TTLL11: variants seen among roughly 807,000 people sequenced by gnomAD.
The protein encoded by TTLL11 is tubulin polyglutamylase TTLL11.
In TTLL11, 42 loss-of-function variants were observed where a neutral mutation model predicts 51.7. That is an observed-to-expected ratio of 0.81 (90% CI 0.64 to 1.05). The LOEUF (loss-of-function observed/expected upper bound fraction) is 1.05. Ranked by LOEUF, TTLL11 falls within the 50% of genes least tolerant of loss-of-function variation. TTLL11 has a pLI of 0.00. For missense variants in TTLL11, 799 were observed against 940.4 expected, an observed-to-expected ratio of 0.85 and a Z score of 1.97; for synonymous variants, 381 against 383.5, an observed-to-expected ratio of 0.99 and a Z score of 0.08.
intron 6 of TTLL11, among the ~76,000 whole-genome samples, chr9:121,873,464 C>G (rs1838433428): frequency 6.6e-6 from 1 of 150,976 alleles, no homozygotes; most frequent in African/African-American, 2.4e-5. Context: ...CATGCGCCAC[C>G]ACACCCAGCT....
At chr9:122,069,676 G>A (rs1008512025) in intron 1 of TTLL11, among the ~76,000 whole-genome samples, 2 of 151,954 alleles carry the variant, frequency 1.3e-5, no homozygotes, top group African/African-American at 2.4e-5. Flanking sequence ...GTGAGACTCC[G>A]TCTCAAAAAA....
chr9:122,052,652 T>A (rs565670382), intron 1 of TTLL11, among the ~76,000 whole-genome samples: 1 of 152,196 alleles, frequency 6.6e-6, no homozygotes, highest in Non-Finnish European at 1.5e-5. Context: ...ATCTTTCTGT[T>A]ACCCAAAAGA....
intron 3 of TTLL11, among the ~76,000 whole-genome samples, chr9:122,021,655 G>C (rs72767708): frequency 0.044 from 6,703 of 152,204 alleles, 175 homozygotes; most frequent in African/African-American, 0.074. Context: ...AACAAATCTT[G>C]AAAATCTTGA....
At chr9:121,888,439 T>C (rs1035154517) in intron 6 of TTLL11, among the ~76,000 whole-genome samples, 2 of 152,214 alleles carry the variant, frequency 1.3e-5, no homozygotes, top group Non-Finnish European at 2.9e-5. Flanking sequence ...TCTGCACTCC[T>C]AGTGCAGTTT....
chr9:121,853,734 C>A lies in TTLL11; in HGVS notation c.1840+6603G>T, dbSNP rs1360950078. ...ATTTCCTCTGTCTTCCCCAGCCTCACTGTCCCCACTGTCGCCAGGGTGGGA... is the reference window on the plus strand; with the variant it reads ...ATTTCCTCTGTCTTCCCCAGCCTCAATGTCCCCACTGTCGCCAGGGTGGGA... On this transcript the variant is annotated intron_variant, in intron 8 of 8. Coordinates refer to ENST00000321582, the MANE Select transcript of TTLL11 (RefSeq NM_001139442.2). The surrounding 1 kb of genome is among the most constrained non-coding windows in gnomAD (Gnocchi z 5.6). 6.6e-6 allele frequency among the ~76,000 whole-genome samples: 1 copy of A among 152,188 alleles called. No homozygotes were observed. Among genetic ancestry groups the A allele is most frequent in the Non-Finnish European group, 1.5e-5 (1 of 68,016 alleles).
intron 1 of TTLL11, among the ~76,000 whole-genome samples, chr9:122,079,937 G>C (rs186018108): frequency 6.6e-6 from 1 of 151,900 alleles, no homozygotes; most frequent in African/African-American, 2.4e-5. Context: ...CGACTAGCCC[G>C]GGCAACATAG....
At chr9:122,016,730 AC>A (rs1195283429) in intron 3 of TTLL11, among the ~76,000 whole-genome samples, 7 of 152,226 alleles carry the variant, frequency 4.6e-5, no homozygotes, top group Non-Finnish European at 1.5e-5. Flanking sequence ...CCTCCAAGAA[AC>A]TGCAAAACAT....
intron 2 of TTLL11, among the ~76,000 whole-genome samples, chr9:122,038,785 G>C (rs1355171283): frequency 6.6e-6 from 1 of 152,170 alleles, no homozygotes; most frequent in Non-Finnish European, 1.5e-5. Flanking sequence ...AAGTCTTGCT[G>C]AGATAATGTC....
At chr9:121,927,978 T>C (rs1009076830) in intron 6 of TTLL11, among the ~76,000 whole-genome samples, 2 of 152,204 alleles carry the variant, frequency 1.3e-5, no homozygotes, top group African/African-American at 4.8e-5. Context: ...GCATAGGAGC[T>C]TGTTAAGATG....
At chr9:121,885,805 G>A (rs1197192694) in intron 6 of TTLL11, among the ~76,000 whole-genome samples, 4 of 152,040 alleles carry the variant, frequency 2.6e-5, no homozygotes, top group Non-Finnish European at 5.9e-5. Flanking sequence ...TATGGCTCAC[G>A]GCAGCCCCAA....
chr9:121,897,642 G>GCA (rs796926651), intron 6 of TTLL11, among the ~76,000 whole-genome samples: 1,059 of 70,050 alleles, frequency 0.015, 15 homozygotes, highest in African/African-American at 0.054. Flanking sequence ...ACACACACAC[G>GCA]CGCGCGCGAA....
chr9:121,866,116 A>G (rs1350623402), intron 7 of TTLL11, among the ~76,000 whole-genome samples: 1 of 152,044 alleles, frequency 6.6e-6, no homozygotes, highest in Non-Finnish European at 1.5e-5. Context: ...TCGCCAGTGA[A>G]TATGTCTTTT....
intron 3 of TTLL11, among the ~76,000 whole-genome samples, chr9:122,000,471 CAAA>C (rs57775265): frequency 4.4e-5 from 1 of 22,814 alleles, no homozygotes; most frequent in Middle Eastern, 0.033. Flanking sequence ...GACTCCGTCG[CAAA>C]AAAAAAAAAA....
intron 6 of TTLL11, among the ~76,000 whole-genome samples, chr9:121,963,972 T>G (rs1842320141): frequency 1.3e-5 from 2 of 152,202 alleles, no homozygotes; most frequent in Non-Finnish European, 2.9e-5. Flanking sequence ...TGGCTTTTTA[T>G]AGCCTCCAAC....
intron 8 of TTLL11, among the ~76,000 whole-genome samples, chr9:121,856,158 A>G (rs1220995026): frequency 6.6e-6 from 1 of 152,186 alleles, no homozygotes; most frequent in Non-Finnish European, 1.5e-5. Flanking sequence ...TGCAGCCTTG[A>G]ACTCTTGAGT....
At chr9:121,833,101 A>T (rs1837074442) in intron 8 of TTLL11, among the ~76,000 whole-genome samples, 1 of 152,184 alleles carries the variant, frequency 6.6e-6, no homozygotes, top group Non-Finnish European at 1.5e-5. Flanking sequence ...AAGAAGGTGC[A>T]GTTAGATTCG....
At chr9:121,961,502 T>C (rs1229014259) in intron 6 of TTLL11, among the ~76,000 whole-genome samples, 2 of 151,456 alleles carry the variant, frequency 1.3e-5, no homozygotes, top group Non-Finnish European at 2.9e-5. Context: ...CCCCCAAGAG[T>C]CTCGCTCCAG....
intron 6 of TTLL11, among the ~76,000 whole-genome samples, chr9:121,895,428 CGT>C (rs200537771): frequency 1.5e-4 from 22 of 149,622 alleles, no homozygotes; most frequent in East Asian, 4.0e-4. Flanking sequence ...GTGTGCGCTG[CGT>C]GTGTGTCTGT....
intron 6 of TTLL11, among the ~76,000 whole-genome samples, chr9:121,918,103 C>T (rs375176328): frequency 6.6e-6 from 1 of 152,192 alleles, no homozygotes; most frequent in South Asian, 2.1e-4. Context: ...TTACAGACCA[C>T]GGACCAGGGT....
Sources: gnomAD v4.1 joint callset for allele counts (sites outside exome capture counted in the v4.1 genomes callset) on GRCh38, gnomAD v4.1.1 for gene constraint, Gnocchi (gnomAD v3.1) non-coding constraint, MANE v1.5 for transcripts, NCBI Gene and HGNC (gene_info 2026-07-23, HGNC 2026-07-21) for gene names.